The following NRXN1 variants were observed in gnomAD, a reference collection of about 807,000 sequenced individuals.
The protein encoded by NRXN1 is neurexin-1.
Under a neutral mutation model 150.9 loss-of-function variants are expected in NRXN1, and 39 were observed. That is an observed-to-expected ratio of 0.26 (90% CI 0.20 to 0.34). The LOEUF is 0.34. Among genes scored for constraint, NRXN1 ranks in the 10% least tolerant of loss-of-function variants. NRXN1 has a pLI of 1.00. For missense variants in NRXN1, 1,815 were observed against 1,949.9 expected, an observed-to-expected ratio of 0.93 and a Z score of 1.30; for synonymous variants, 924 against 757.0, an observed-to-expected ratio of 1.22 and a Z score of -3.62.
At chr2:50,672,275 C>G (rs1322947373) in intron 5 of NRXN1, among the ~76,000 whole-genome samples, 1 of 150,778 alleles carries the variant, frequency 6.6e-6, no homozygotes, top group Non-Finnish European at 1.5e-5. Context: ...AAAAAAAAAG[C>G]CACAAATCAC....
chr2:50,230,651 T>C (rs1470854666), intron 18 of NRXN1, among the ~76,000 whole-genome samples: 1 of 152,060 alleles, frequency 6.6e-6, no homozygotes, highest in Non-Finnish European at 1.5e-5. Context: ...TTTCTTAAAT[T>C]TCACAGCAAT....
chr2:50,682,930 A>G (rs1324678561), intron 5 of NRXN1, among the ~76,000 whole-genome samples: 1 of 152,158 alleles, frequency 6.6e-6, no homozygotes, highest in African/African-American at 2.4e-5. Flanking sequence ...TGCAAGTTTT[A>G]CACATACATC....
intron 5 of NRXN1, among the ~76,000 whole-genome samples, chr2:50,763,101 T>C (rs894136638): frequency 6.6e-6 from 1 of 151,974 alleles, no homozygotes; most frequent in African/African-American, 2.4e-5. Flanking sequence ...TTCATTTTCT[T>C]TGAACATTAA....
intron 12 of NRXN1, among the ~76,000 whole-genome samples, chr2:50,513,121 T>C (rs570737253): frequency 2.0e-5 from 3 of 152,336 alleles, no homozygotes; most frequent in Admixed American, 6.5e-5. Context: ...CCTTATTTCA[T>C]AGATTTGTTG....
intron 5 of NRXN1, among the ~76,000 whole-genome samples, chr2:50,635,442 G>C (rs907978622): frequency 1.3e-5 from 2 of 151,812 alleles, no homozygotes; most frequent in East Asian, 1.9e-4. Context: ...CAATGTGCTG[G>C]GATTACAGGC....
chr2:50,477,562 G>A (rs909414520), intron 15 of NRXN1, among the ~76,000 whole-genome samples: 4 of 152,170 alleles, frequency 2.6e-5, no homozygotes, highest in African/African-American at 7.2e-5. Flanking sequence ...ACCAAGCTCT[G>A]CCTTACAGTA....
intron 17 of NRXN1, among the ~76,000 whole-genome samples, chr2:50,426,103 A>G (rs1320914682): frequency 6.6e-6 from 1 of 152,204 alleles, no homozygotes; most frequent in Non-Finnish European, 1.5e-5. Context: ...GATATGAGTC[A>G]TGTGCTTCAA....
intron 2 of NRXN1, among the ~76,000 whole-genome samples, chr2:50,998,723 C>A (rs1699643384): frequency 6.6e-6 from 1 of 151,982 alleles, no homozygotes; most frequent in African/African-American, 2.4e-5. Context: ...ACATTTTAAT[C>A]TTTTGTCAGT....
intron 5 of NRXN1, among the ~76,000 whole-genome samples, chr2:50,899,715 C>CA (rs1322241774): frequency 6.6e-6 from 1 of 152,044 alleles, no homozygotes; most frequent in Admixed American, 6.5e-5. Context: ...ACAGACTATA[C>CA]AAAGAATTTA....
chr2:50,701,095 G>T (rs967609065), intron 5 of NRXN1, among the ~76,000 whole-genome samples: 2 of 152,134 alleles, frequency 1.3e-5, no homozygotes, highest in Non-Finnish European at 2.9e-5. Context: ...CTACATTAAA[G>T]TAGGCCTTTC....
At chr2:50,507,483 T>A (rs967449305) in intron 12 of NRXN1, among the ~76,000 whole-genome samples, 1 of 151,658 alleles carries the variant, frequency 6.6e-6, no homozygotes, top group Non-Finnish European at 1.5e-5. Context: ...GGGCATCGAG[T>A]GGGCAAGAAG....
chr2:50,892,531 T>C (rs1681225422), intron 5 of NRXN1, among the ~76,000 whole-genome samples: 1 of 152,112 alleles, frequency 6.6e-6, no homozygotes, highest in African/African-American at 2.4e-5. Flanking sequence ...TACTCAGACT[T>C]AGAGAAAGAG....
At chr2:50,420,486 T>C (rs2083899640) in intron 17 of NRXN1, among the ~76,000 whole-genome samples, 1 of 152,112 alleles carries the variant, frequency 6.6e-6, no homozygotes, top group Admixed American at 6.6e-5. Context: ...CAACTAAAGT[T>C]ATCATTGATT....
chr2:50,149,433 G>T (rs970310057), intron 18 of NRXN1, among the ~76,000 whole-genome samples: 1 of 151,528 alleles, frequency 6.6e-6, no homozygotes, highest in African/African-American at 2.4e-5. Flanking sequence ...AAATCAAAAT[G>T]GATATTTGCA....
At chr2:50,818,647 G>C (rs1038144017) in intron 5 of NRXN1, among the ~76,000 whole-genome samples, 8 of 151,606 alleles carry the variant, frequency 5.3e-5, no homozygotes, top group African/African-American at 1.9e-4. Flanking sequence ...GACACCAAAA[G>C]TACAGAAAAG....
At chr2:50,760,165 A>C (rs1701640733) in intron 5 of NRXN1, among the ~76,000 whole-genome samples, 1 of 151,920 alleles carries the variant, frequency 6.6e-6, no homozygotes, top group African/African-American at 2.4e-5. Context: ...AAAGGCCTCA[A>C]GTTGGTACTC....
At chr2:50,226,153 T>C (rs2064351402) in intron 18 of NRXN1, among the ~76,000 whole-genome samples, 1 of 151,982 alleles carries the variant, frequency 6.6e-6, no homozygotes. Context: ...GTGACTTTCA[T>C]TTCTTCATTA....
intron 21 of NRXN1, chr2:50,019,263 G>A (rs1489938051): frequency 2.1e-6 from 1 of 471,368 alleles, no homozygotes; most frequent in Non-Finnish European, 4.4e-6. Flanking sequence ...GTTTTGGCCT[G>A]TTCTCCATAA....
At chr2:50,389,814 G>A (rs141906530) in intron 17 of NRXN1, among the ~76,000 whole-genome samples, 31 of 152,170 alleles carry the variant, frequency 2.0e-4, no homozygotes, top group South Asian at 1.0e-3. Context: ...TATACATATC[G>A]TTAAAAAAGC....
Sources: allele counts gnomAD v4.1 joint callset (sites outside exome capture counted in the v4.1 genomes callset), GRCh38; gene constraint gnomAD v4.1.1; transcripts MANE v1.5; gene names NCBI Gene and HGNC (gene_info 2026-07-23, HGNC 2026-07-21).